Variants in USF2 observed in about 807,000 individuals in gnomAD.
USF2 encodes upstream transcription factor 2, c-fos interacting, also known as upstream stimulatory factor 2.
In USF2, 16 loss-of-function variants were observed where a neutral mutation model predicts 46.9. That is an observed-to-expected ratio of 0.34 (90% CI 0.23 to 0.52). The LOEUF is 0.52. USF2 is among the 20% of genes least tolerant of loss of function. The pLI is 0.96. For missense variants in USF2, 411 were observed against 474.0 expected (o/e 0.87, Z 1.23); for synonymous variants, 239 against 194.1 (o/e 1.23, Z -1.92).
chr19:35,269,542 G>T, intron 2 of USF2, 39 bp from the exon 3 acceptor site: 1 of 1,556,320 alleles, frequency 6.4e-7, no homozygotes, highest in Non-Finnish European at 8.7e-7. Flanking sequence ...GGGGCGCTCG[G>T]CGCGGCCCTG....
Position 35,271,154 on chromosome 19 carries a change from T to C in USF2, c.727+13T>C. 1 of 1,613,108 alleles carries C rather than the reference T, an allele frequency of 6.2e-7. No individual in the cohort carries two copies. Among genetic ancestry groups the C allele is most frequent in the East Asian group, 2.2e-5 (1 of 44,822 alleles). ...CAGCACAACGAAGGTGAGGACAAGGTGTGGCTCCGGGTCCCCCTGACCACC... is the reference window on the plus strand; with the variant it reads ...CAGCACAACGAAGGTGAGGACAAGGCGTGGCTCCGGGTCCCCCTGACCACC... On this transcript the variant is annotated intron_variant, in intron 7 of 9. Coordinates refer to ENST00000222305, the MANE Select transcript of USF2 (RefSeq NM_003367.4).
At chr19:35,271,195 G>C in intron 7 of USF2, 54 bp downstream of exon 7, 1 of 1,608,638 alleles carries the variant, frequency 6.2e-7, no homozygotes, top group Non-Finnish European at 8.5e-7. Flanking sequence ...CACAGGCTCA[G>C]CCAGCCCTGG....
At position 35,270,435 on chromosome 19, in the gene USF2, CCTA is replaced by C. The variant is rs2066135001; in HGVS notation, c.430-9_430-7del. On this transcript the variant is annotated splice_polypyrimidine_tract_variant and intron_variant, in intron 4 of 9. Transcript: ENST00000222305. ...GAAAGCTAAGGGTAGCCTCTGCCCT[CCTA>C]CTCCCCAGGCTGTGATCCAAAATCC... 6.2e-7 allele frequency: 1 copy of C among 1,609,540 alleles called. No individual in the cohort carries two copies. The highest frequency in any genetic ancestry group is 1.3e-5 in the African/African-American group (1 of 74,870).
chr19:35,270,430 G>A lies in USF2; in HGVS notation c.430-17G>A, dbSNP rs562395851. ...ACAGAGAAAGCTAAGGGTAGCCTCT[G>A]CCCTCCTACTCCCCAGGCTGTGATC... On this transcript the variant is annotated splice_polypyrimidine_tract_variant and intron_variant, in intron 4 of 9. Transcript: ENST00000222305. The A allele has an allele frequency of 3.1e-5, 50 of 1,607,416 alleles. No homozygotes were observed. The highest frequency in any genetic ancestry group is 2.0e-4 in the Middle Eastern group (1 of 4,968).
intron 7 of USF2, among the ~76,000 whole-genome samples, chr19:35,273,477 G>A (rs973134736): frequency 3.6e-4 from 55 of 152,320 alleles, no homozygotes; most frequent in African/African-American, 1.2e-3. Context: ...GTAGATGGGG[G>A]TGCCGGGGAA....
chr19:35,279,035 C>G lies in USF2; in HGVS notation c.912C>G (p.Ala304=), dbSNP rs777682325. 1.8e-5 allele frequency: 29 copies of G among 1,593,970 alleles called. 1 individual carries two copies. Among genetic ancestry groups the G allele is most frequent in the Middle Eastern group, 1.7e-4 (1 of 5,932 alleles). Residue 304 remains alanine, a synonymous_variant, in exon 9 of 10, where the codon GCC becomes GCG. Transcript: ENST00000222305. ...NQRMQETFKE[A]ERLQMDNELL... is the part of the protein sequence containing the mutation. ...GCATGCAGGAGACCTTCAAAGAGGC[C>G]GAGCGGCTGCAGATGGACAACGAGC...
In USF2 at chr19:35,269,613, G is replaced by A. The variant is rs1177872293; in HGVS notation, c.142G>A (p.Ala48Thr). The change falls in exon 3 of 10, where the codon GCG becomes ACG. Residue 48 changes from alanine to threonine, a missense_variant. By Grantham distance (58) the Ala-to-Thr change is moderately conservative. Coordinates refer to ENST00000222305, the MANE Select transcript of USF2 (RefSeq NM_003367.4). ...CGGCCCAGGAGCGGAGGAGCAGACA[G>A]CGGTGGCCATCACCAGCGTCCAGCA... ...GDGPGAEEQT[A>T]VAITSVQQAA... 6.3e-7 allele frequency: 1 copy of A among 1,597,074 alleles called. No individual in the cohort carries two copies. The highest frequency in any genetic ancestry group is 1.1e-5 in the South Asian group (1 of 88,862).
intron 7 of USF2, among the ~76,000 whole-genome samples, chr19:35,276,465 T>A (rs890446691): frequency 6.6e-6 from 1 of 152,178 alleles, no homozygotes; most frequent in Non-Finnish European, 1.5e-5. Flanking sequence ...GCCATGATGG[T>A]CTTCCGAAGC....
intron 7 of USF2, among the ~76,000 whole-genome samples, chr19:35,273,328 A>G (rs1216767641): frequency 6.6e-6 from 1 of 152,160 alleles, no homozygotes; most frequent in East Asian, 1.9e-4. Context: ...GGCTCCAAGC[A>G]TCTGATGCTG....
In USF2 at chr19:35,269,806, A is replaced by G; in HGVS notation, c.232A>G (p.Thr78Ala). The G allele has an allele frequency of 6.7e-7, 1 of 1,492,316 alleles. No homozygotes were observed. The highest frequency in any genetic ancestry group is 2.9e-5 in the East Asian group (1 of 34,406). The allele number at this position is 1,492,316 out of a possible 1,614,324, so 92.4% of individuals were successfully genotyped here. A position where few individuals can be genotyped will look rare whatever the true frequency, so the allele number is the denominator to read the frequency against. Reference sequence around the variant, plus strand: ...GCCGCTCTGCCGCCCCCTGCAGGTGACATACCGCGTAGTCCAGGTGACTGA... The same window carrying G: ...GCCGCTCTGCCGCCCCCTGCAGGTGGCATACCGCGTAGTCCAGGTGACTGA... ...FRTETNGGQV[T>A]YRVVQVTDGQ... is the part of the protein sequence containing the mutation. The change falls in exon 4 of 10, where the codon ACA (threonine) becomes GCA (alanine). Residue 78 changes from threonine to alanine, a missense_variant. Around this residue, in one of 2 missense-constraint regions of USF2, gnomAD observed 318 missense variants for 322.4 expected, o/e 0.99. Transcript: ENST00000222305.
At chr19:35,274,375 C>T (rs1188320570) in intron 7 of USF2, among the ~76,000 whole-genome samples, 7 of 152,150 alleles carry the variant, frequency 4.6e-5, no homozygotes, top group Admixed American at 6.5e-5. Flanking sequence ...ATTTCAGATC[C>T]GCTTCTCTCA....
chr19:35,271,340 G>A (rs2066153839), intron 7 of USF2, among the ~76,000 whole-genome samples, 199 bp downstream of exon 7: 5 of 152,260 alleles, frequency 3.3e-5, no homozygotes, highest in Admixed American at 3.3e-4. Flanking sequence ...GACAGGGAGT[G>A]TGAATTGGAA....
intron 4 of USF2, 171 bp from the exon 5 acceptor site, chr19:35,270,276 C>T (rs901593597): frequency 2.4e-5 from 26 of 1,064,990 alleles, no homozygotes; most frequent in Admixed American, 1.8e-4. Context: ...GATCGCTGAC[C>T]TCCCGCCATG....
At chr19:35,273,215 C>T (rs1290842981) in intron 7 of USF2, among the ~76,000 whole-genome samples, 1 of 152,224 alleles carries the variant, frequency 6.6e-6, no homozygotes, top group Non-Finnish European at 1.5e-5. Flanking sequence ...CTCATCCTCC[C>T]AGTACCCTCA....
chr19:35,270,249 G>A (rs1365798675), intron 4 of USF2, 198 bp from the exon 5 acceptor site: 4 of 944,116 alleles, frequency 4.2e-6, no homozygotes, highest in South Asian at 3.7e-5. Context: ...AGTGCGAAAC[G>A]GATTTGCTCA....
At chr19:35,276,656 C>G (rs1421683855) in intron 7 of USF2, among the ~76,000 whole-genome samples, 1 of 152,222 alleles carries the variant, frequency 6.6e-6, no homozygotes, top group Non-Finnish European at 1.5e-5. Context: ...GCCACCATTT[C>G]TGGGATCTTC....
intron 7 of USF2, among the ~76,000 whole-genome samples, chr19:35,272,165 GC>G (rs35142964): frequency 6.6e-6 from 1 of 152,126 alleles, no homozygotes; most frequent in Non-Finnish European, 1.5e-5. Context: ...ACTACGACCA[GC>G]CCCCCTTTTG....
chr19:35,270,158 G>A, intron 4 of USF2, 155 bp downstream of exon 4: 1 of 1,008,360 alleles, frequency 9.9e-7, no homozygotes, highest in South Asian at 2.0e-5. Flanking sequence ...GTTGTGCACC[G>A]TGAAACCTGG....
chr19:35,272,169 C>T (rs2066166584), intron 7 of USF2, among the ~76,000 whole-genome samples: 1 of 152,134 alleles, frequency 6.6e-6, no homozygotes. Context: ...CGACCAGCCC[C>T]CCTTTTGCGT....
Sources: gnomAD v4.1 joint callset for allele counts (sites outside exome capture counted in the v4.1 genomes callset) on GRCh38, gnomAD v4.1.1 for gene constraint, gnomAD v4.1.1 regional missense constraint, MANE v1.5 for transcripts, NCBI Gene and HGNC (gene_info 2026-07-23, HGNC 2026-07-21) for gene names.